LEKR1: variants seen among roughly 807,000 people sequenced by gnomAD.
The protein encoded by LEKR1 is protein LEKR1.
A neutral mutation model predicts 72.4 loss-of-function variants in LEKR1; 59 were observed. The observed-to-expected ratio is 0.82, with a 90% CI of 0.66 to 1.01. LEKR1 has a LOEUF of 1.01. Ranked by LOEUF, LEKR1 falls within the 50% of genes least tolerant of loss-of-function variation. The pLI is 0.00. For synonymous variants in LEKR1, 257 were observed against 263.2 expected, an observed-to-expected ratio of 0.98 and a Z score of 0.23; for missense variants, 728 against 759.2, an observed-to-expected ratio of 0.96 and a Z score of 0.48.
intron 3 of LEKR1, among the ~76,000 whole-genome samples, chr3:156,902,303 A>G (rs980317083): frequency 6.6e-6 from 1 of 152,144 alleles, no homozygotes. Context: ...TCATAAAATA[A>G]CTTATATTAA....
rs546581476 is a variant in LEKR1 at position 156,894,977 on chromosome 3, G to A, written c.264-25598G>A. Among the ~76,000 whole-genome samples the A allele has an allele frequency of 2.6e-4, 39 of 152,126 alleles. No homozygotes were observed. In the South Asian group the frequency reaches 7.9e-3, roughly 31 times the overall value. On this transcript the variant is annotated intron_variant, in intron 3 of 12. Coordinates refer to ENST00000356539, the MANE Select transcript of LEKR1 (RefSeq NM_001004316.3). ...CAATACCGTTCAGGACATAGGCATG[G>A]GCAAAGATTTCATGATGAAAACACC... is the stretch of plus-strand genomic sequence containing the variant.
At chr3:157,039,733 A>C (rs1049396607) in intron 12 of LEKR1, among the ~76,000 whole-genome samples, 2 of 152,228 alleles carry the variant, frequency 1.3e-5, no homozygotes, top group African/African-American at 2.4e-5. Flanking sequence ...GTTTATTTGC[A>C]AGAGGGACTT....
At chr3:156,846,797 ATATG>A (rs571735149) in intron 2 of LEKR1, among the ~76,000 whole-genome samples, 4 of 152,002 alleles carry the variant, frequency 2.6e-5, no homozygotes, top group African/African-American at 7.2e-5. Flanking sequence ...AGGCACAATT[ATATG>A]TATGTATGTA....
Position 157,045,344 on chromosome 3 carries a change from C to A in LEKR1, c.1673C>A (p.Thr558Asn), listed in dbSNP as rs1338811755. Residue 558 changes from threonine to asparagine, a missense_variant, in exon 13 of 13, where the codon ACT (threonine) becomes AAT (asparagine). By Grantham distance (65) the Thr-to-Asn change is moderately conservative (BLOSUM62 0). Transcript: ENST00000356539. ...EQFNQSQEENTFLQETVRREC... is the reference protein window; with the variant it reads ...EQFNQSQEENNFLQETVRREC... ...TTTTCCCCTCTCTCTTTTCAGAATA[C>A]TTTTCTTCAGGAGACAGTGCGTAGA... 6 of 1,605,312 alleles carry A rather than the reference C, an allele frequency of 3.7e-6. No individual in the cohort carries two copies. The highest frequency in any genetic ancestry group is 5.1e-6 in the Non-Finnish European group (6 of 1,174,234).
At position 156,826,367 on chromosome 3, in the gene LEKR1, C is replaced by T. The variant is rs1317612074; in HGVS notation, c.-54C>T. On this transcript the variant is annotated 5_prime_UTR_variant, in exon 1 of 13. Transcript: ENST00000356539. ...AAAGCCGTTTCACACCCGTCCTAGT[C>T]GAAGTCGAGGTGAGGGACGATGGCT... 6.5e-6 allele frequency: 1 copy of T among 152,808 alleles called. No individual in the cohort carries two copies. The highest frequency in any genetic ancestry group is 6.5e-5 in the Admixed American group (1 of 15,292). The allele number at this position is 152,808 out of a possible 1,614,324, so 9.5% of individuals were successfully genotyped here.
chr3:156,835,272 A>G (rs1347148679), intron 2 of LEKR1, among the ~76,000 whole-genome samples: 1 of 152,246 alleles, frequency 6.6e-6, no homozygotes, highest in Non-Finnish European at 1.5e-5. Context: ...AATAGTTTCT[A>G]ATATACACAG....
At chr3:157,000,852 G>A (rs892709972) in intron 9 of LEKR1, among the ~76,000 whole-genome samples, 31 of 152,186 alleles carry the variant, frequency 2.0e-4, no homozygotes, top group African/African-American at 6.3e-4. Flanking sequence ...AGGTGTCAAG[G>A]GAGAGAATAG....
intron 2 of LEKR1, among the ~76,000 whole-genome samples, chr3:156,848,644 G>T (rs1345259599): frequency 6.6e-6 from 1 of 152,290 alleles, no homozygotes; most frequent in African/African-American, 2.4e-5. Context: ...ATCAGATTAA[G>T]AGTTGTACCT....
chr3:156,940,970 T>C (rs1431327562), intron 5 of LEKR1, among the ~76,000 whole-genome samples: 1 of 152,130 alleles, frequency 6.6e-6, no homozygotes, highest in Non-Finnish European at 1.5e-5. Context: ...GCCACCTTTT[T>C]GGCTACAAAA....
intron 3 of LEKR1, among the ~76,000 whole-genome samples, chr3:156,872,977 T>C (rs531917031): frequency 3.3e-5 from 5 of 152,134 alleles, no homozygotes; most frequent in African/African-American, 1.2e-4. Flanking sequence ...AATGTACAGC[T>C]TAAATATAAT....
intron 5 of LEKR1, among the ~76,000 whole-genome samples, chr3:156,933,028 TCAAA>T (rs373732154): frequency 1.2e-4 from 18 of 151,864 alleles, no homozygotes; most frequent in Non-Finnish European, 2.1e-4. Context: ...AGACTCCGTC[TCAAA>T]CAAACAAACA....
intron 4 of LEKR1, among the ~76,000 whole-genome samples, chr3:156,925,970 A>G (rs2321292): frequency 2.0e-5 from 3 of 151,778 alleles, no homozygotes; most frequent in Admixed American, 6.6e-5. Flanking sequence ...AAAAGCATTT[A>G]TAAGCAAATT....
At chr3:156,928,346 C>T (rs572616342) in intron 5 of LEKR1, among the ~76,000 whole-genome samples, 1 of 152,136 alleles carries the variant, frequency 6.6e-6, no homozygotes, top group East Asian at 1.9e-4. Flanking sequence ...ACTACTCTCC[C>T]ACAGGGTGTC....
chr3:156,984,328 T>C (rs149560687), intron 7 of LEKR1, among the ~76,000 whole-genome samples: 1 of 152,294 alleles, frequency 6.6e-6, no homozygotes, highest in East Asian at 1.9e-4. Context: ...AGAACAAAAT[T>C]TACTTAAAAT....
rs1272934132 is a variant in LEKR1 at position 157,019,613 on chromosome 3, A to AT, written c.1204-5145dup. Among the ~76,000 whole-genome samples the AT allele has an allele frequency of 2.6e-5, 4 of 152,216 alleles. No individual in the cohort carries two copies. The East Asian group carries it at 7.7e-4, about 29-fold the overall frequency. ...TAATTTTCTTCTTATCAAAATTACT[A>AT]TTAGTTATTGTATAAAGTGGTTCAT... On this transcript the variant is annotated intron_variant, in intron 10 of 12. Transcript: ENST00000356539.
At chr3:156,906,844 A>G (rs1421456265) in intron 3 of LEKR1, among the ~76,000 whole-genome samples, 4 of 152,268 alleles carry the variant, frequency 2.6e-5, no homozygotes, top group South Asian at 2.1e-4. Context: ...AAGTGTTTCA[A>G]TGTGCATGTT....
At chr3:156,973,793 C>T (rs1729453435) in intron 6 of LEKR1, among the ~76,000 whole-genome samples, 1 of 152,076 alleles carries the variant, frequency 6.6e-6, no homozygotes, top group Non-Finnish European at 1.5e-5. Flanking sequence ...CAAAAGGAAG[C>T]AGAGAACTGC....
At chr3:156,871,852 A>T (rs1233535530) in intron 3 of LEKR1, among the ~76,000 whole-genome samples, 1 of 151,548 alleles carries the variant, frequency 6.6e-6, no homozygotes, top group Non-Finnish European at 1.5e-5. Context: ...TTTGTTGAGA[A>T]TTTTTGCATT....
chr3:156,941,619 T>C (rs1194195573), intron 5 of LEKR1, among the ~76,000 whole-genome samples: 1 of 152,072 alleles, frequency 6.6e-6, no homozygotes, highest in African/African-American at 2.4e-5. Context: ...CAGGATGGGC[T>C]AACCAAAGAA....
Sources: gnomAD v4.1 joint callset for allele counts (sites outside exome capture counted in the v4.1 genomes callset) on GRCh38, gnomAD v4.1.1 for gene constraint, MANE v1.5 for transcripts, NCBI Gene and HGNC (gene_info 2026-07-23, HGNC 2026-07-21) for gene names.